Variants in FNBP4 observed in about 807,000 individuals in gnomAD.
FNBP4 encodes formin-binding protein 4.
FNBP4 carries 34 observed loss-of-function variants against 119.3 expected under a neutral mutation model. That is an observed-to-expected ratio of 0.28 (90% CI 0.22 to 0.38). The LOEUF is 0.38. FNBP4 is among the 10% of genes least tolerant of loss of function. The pLI, the probability that FNBP4 is intolerant of heterozygous loss-of-function variation, is 1.00. For missense variants in FNBP4, 1,112 were observed against 1,228.9 expected (o/e 0.90, Z 1.42); for synonymous variants, 462 against 430.6 (o/e 1.07, Z -0.90).
At chr11:47,762,771 A>C (rs887597196) in intron 2 of FNBP4, among the ~76,000 whole-genome samples, 1 of 151,638 alleles carries the variant, frequency 6.6e-6, no homozygotes, top group African/African-American at 2.4e-5. Context: ...TTAGCTGGGC[A>C]TGGTGGCGTG....
chr11:47,736,903 T>C (rs1296456707), intron 8 of FNBP4, among the ~76,000 whole-genome samples, 163 bp from the exon 9 acceptor site: 5 of 152,080 alleles, frequency 3.3e-5, no homozygotes, highest in African/African-American at 1.2e-4. Context: ...CTACTGTCTA[T>C]ATAACCCAAA....
rs71045510 is a variant in FNBP4 at position 47,738,847 on chromosome 11, ATTTTTTTTTTTTTTTTTT to A, written c.1457-2125_1457-2108del. The stretch of plus-strand genomic sequence containing the variant: ...AGGTGTTTGCCACCATGCCCAGGTA[ATTTTTTTTTTTTTTTTTT>A]TTTTTTTTTTTTTTTTTTTAGTAGA... On this transcript the variant is annotated intron_variant, in intron 8 of 16. Transcript: ENST00000263773. Among the ~76,000 whole-genome samples, 76 of 110,988 alleles carry A rather than the reference ATTTTTTTTTTTTTTTTTT, an allele frequency of 6.8e-4. 3 individuals carry two copies. Among genetic ancestry groups the A allele is most frequent in the Admixed American group, 3.5e-3 (37 of 10,564 alleles). 72.8% of individuals were successfully genotyped at this position (110,988 alleles called of 152,430 possible).
intron 10 of FNBP4, among the ~76,000 whole-genome samples, chr11:47,733,116 C>T (rs2097569403): frequency 6.6e-6 from 1 of 152,160 alleles, no homozygotes; most frequent in African/African-American, 2.4e-5. Flanking sequence ...GAAACTCCGT[C>T]TCAAAAAACA....
chr11:47,726,122 T>G (rs1217116697), intron 12 of FNBP4: 3 of 152,168 alleles, frequency 2.0e-5, no homozygotes, highest in African/African-American at 4.8e-5. Context: ...CTGTTAAATT[T>G]CATGGTCAAA....
rs530530877 is a variant in FNBP4 at position 47,751,408 on chromosome 11, A to T, written c.638-118T>A. 2.5e-6 allele frequency: 3 copies of T among 1,217,724 alleles called. No individual in the cohort carries two copies. In the Admixed American group the frequency reaches 5.8e-5, roughly 23 times the overall value. 75.4% of individuals were successfully genotyped at this position (1,217,724 alleles called of 1,614,324 possible). On this transcript the variant is annotated intron_variant, in intron 4 of 16. Coordinates refer to ENST00000263773, the MANE Select transcript of FNBP4 (RefSeq NM_015308.5). The stretch of plus-strand genomic sequence containing the variant: ...AACAGCACTGTTAACTTTTGGGCAC[A>T]CAGGTCTTTGTTGTGGAGGGGCAAT...
chr11:47,726,888 T>G (rs1236507919), intron 12 of FNBP4: 4 of 152,226 alleles, frequency 2.6e-5, no homozygotes, highest in Admixed American at 1.3e-4. Flanking sequence ...TTTCTTTCTT[T>G]TTTTTAAAAG....
intron 9 of FNBP4, among the ~76,000 whole-genome samples, 182 bp from the exon 10 acceptor site, chr11:47,734,311 A>C (rs1375330674): frequency 1.3e-5 from 2 of 152,252 alleles, no homozygotes; most frequent in East Asian, 1.9e-4. Context: ...CATAATACAC[A>C]TAACAAAGTG....
chr11:47,736,081 A>T (rs1310769438), intron 9 of FNBP4, among the ~76,000 whole-genome samples: 1 of 28,512 alleles, frequency 3.5e-5, no homozygotes, highest in Admixed American at 4.7e-4. Flanking sequence ...CCGACTCACA[A>T]AAAAAAAACA....
chr11:47,757,073 G>C (rs201380943), intron 2 of FNBP4, among the ~76,000 whole-genome samples: 1 of 152,122 alleles, frequency 6.6e-6, no homozygotes, highest in Non-Finnish European at 1.5e-5. Flanking sequence ...TAATGGGATC[G>C]CTGGGTCAAA....
At chr11:47,718,998 C>T (rs1021932236) in intron 16 of FNBP4, among the ~76,000 whole-genome samples, 2 of 151,486 alleles carry the variant, frequency 1.3e-5, no homozygotes, top group Non-Finnish European at 2.9e-5. Flanking sequence ...CTCCGCCTCG[C>T]GGGTTCAAAC....
At chr11:47,738,847 A>ATTTTTTTTTTTTTTTTTTTTTTT (rs71045510) in intron 8 of FNBP4, among the ~76,000 whole-genome samples, 4 of 110,988 alleles carry the variant, frequency 3.6e-5, no homozygotes, top group Admixed American at 1.9e-4. Flanking sequence ...TGCCCAGGTA[A>ATTTTTTTTTTTTTTTTTTTTTTT]TTTTTTTTTT....
chr11:47,762,373 C>T (rs993821569), intron 2 of FNBP4, among the ~76,000 whole-genome samples: 3 of 151,498 alleles, frequency 2.0e-5, no homozygotes, highest in Non-Finnish European at 4.4e-5. Flanking sequence ...GTCATCCGCC[C>T]GCCTTGGCCT....
At chr11:47,746,845 T>C (rs2097591358) in intron 6 of FNBP4, among the ~76,000 whole-genome samples, 1 of 152,094 alleles carries the variant, frequency 6.6e-6, no homozygotes, top group South Asian at 2.1e-4. Context: ...AGTATATATT[T>C]ATACCATTAC....
At chr11:47,756,351 C>T (rs888425935) in intron 2 of FNBP4, among the ~76,000 whole-genome samples, 5 of 152,108 alleles carry the variant, frequency 3.3e-5, no homozygotes, top group Non-Finnish European at 5.9e-5. Context: ...TCTACGCTCA[C>T]TAAAAAGTTG....
rs2097570765 is a variant in FNBP4, at chr11:47,734,052, G to A, written c.1659C>T (p.Asn553=). 4.5e-6 allele frequency: 7 copies of A among 1,548,030 alleles called. No homozygotes were observed. The highest frequency in any genetic ancestry group is 6.1e-6 in the Non-Finnish European group (7 of 1,142,740). The change falls in exon 10 of 17, where the codon AAC becomes AAT. Residue 553 remains asparagine, a synonymous_variant. Transcript: ENST00000263773. ...FLGINRQSIS[N]FHVLLLQTET... ...CAGTCTGTAAGAGCAGCACATGAAAGTTGGAGATGGATTGTCTATTAATGC... is the reference window on the plus strand; with the variant it reads ...CAGTCTGTAAGAGCAGCACATGAAAATTGGAGATGGATTGTCTATTAATGC...
chr11:47,724,037 T>C lies in FNBP4; in HGVS notation c.2455A>G (p.Ile819Val), dbSNP rs34242224. 0.075 allele frequency: 121,417 copies of C among 1,613,986 alleles called. 5,132 individuals carry two copies. Among genetic ancestry groups the C allele is most frequent in the Non-Finnish European group, 0.087 (103,049 of 1,179,900 alleles). ...SSPVLYSQSA[I>V]ATGHQAAGIG... ...CTCTATGCACAATTACCTGTAGCTA[T>C]AGCTGACTGGCTATAGAGAACTGGA... is the stretch of plus-strand genomic sequence containing the variant. Residue 819 changes from isoleucine to valine, a missense_variant, in exon 14 of 17, where the codon ATA becomes GTA. Ile to Val is a conservative substitution (Grantham distance 29, BLOSUM62 3). Around this residue, in one of 2 missense-constraint regions of FNBP4, gnomAD observed 826 missense variants for 988.8 expected, o/e 0.84. Transcript: ENST00000263773.
chr11:47,739,022 G>A (rs1304886849), intron 8 of FNBP4, among the ~76,000 whole-genome samples: 1 of 150,480 alleles, frequency 6.6e-6, no homozygotes, highest in Admixed American at 6.7e-5. Context: ...TTTGAGGCAC[G>A]GTCTTACTCT....
intron 1 of FNBP4, 87 bp from the exon 2 acceptor site, chr11:47,765,449 C>G: frequency 1.0e-6 from 1 of 956,436 alleles, no homozygotes; most frequent in Non-Finnish European, 1.6e-6. Context: ...AGAGAAAACA[C>G]TAGAGGTGAC....
chr11:47,723,783 C>T (rs527744344), intron 14 of FNBP4, among the ~76,000 whole-genome samples: 1 of 152,144 alleles, frequency 6.6e-6, no homozygotes, highest in South Asian at 2.1e-4. Context: ...GGCTGGTCTC[C>T]AACTCCTGAG....
Sources: allele counts gnomAD v4.1 joint callset (sites outside exome capture counted in the v4.1 genomes callset), GRCh38; gene constraint gnomAD v4.1.1; regional missense constraint gnomAD v4.1.1; transcripts MANE v1.5; gene names NCBI Gene and HGNC (gene_info 2026-07-23, HGNC 2026-07-21).